The following NR2F6 variants were observed in gnomAD, a reference collection of about 807,000 sequenced individuals.
NR2F6 encodes nuclear receptor subfamily 2 group F member 6, also known as ERBA-related gene-2.
A neutral mutation model predicts 26.5 loss-of-function variants in NR2F6; 16 were observed. That is an observed-to-expected ratio of 0.60 (90% CI 0.41 to 0.92). NR2F6 has a LOEUF of 0.92. NR2F6 is among the 40% of genes least tolerant of loss of function. The pLI is 0.00. For missense variants in NR2F6, 536 were observed against 631.7 expected, an observed-to-expected ratio of 0.85 and a Z score of 1.62; for synonymous variants, 325 against 305.0, an observed-to-expected ratio of 1.07 and a Z score of -0.68.
At chr19:17,239,492 TAA>T (rs533131632) in intron 2 of NR2F6, among the ~76,000 whole-genome samples, 215 of 150,580 alleles carry the variant, frequency 1.4e-3, no homozygotes, top group Non-Finnish European at 1.7e-3. Flanking sequence ...CCGTCTCTAC[TAA>T]AAATACAAAA....
intron 3 of NR2F6, among the ~76,000 whole-genome samples, chr19:17,233,340 C>T (rs1390854428): frequency 1.4e-5 from 2 of 145,040 alleles, no homozygotes; most frequent in Non-Finnish European, 3.0e-5. Context: ...CAAAACAAAA[C>T]AAAACAAAAA....
Position 17,235,633 on chromosome 19 carries a change from G to A in NR2F6, c.806C>T (p.Pro269Leu), listed in dbSNP as rs968503334. 3 of 1,540,486 alleles carry A rather than the reference G, an allele frequency of 1.9e-6. No homozygotes were observed. Among genetic ancestry groups the A allele is most frequent in the Non-Finnish European group, 2.6e-6 (3 of 1,151,672 alleles). The change falls in exon 3 of 4, where the codon CCT becomes CTT. Residue 269 changes from proline to leucine, a missense_variant. Coordinates refer to ENST00000291442, the MANE Select transcript of NR2F6 (RefSeq NM_005234.4). The surrounding 1 kb of genome is among the most constrained non-coding windows in gnomAD (Gnocchi z 5.0). ...LLAAAGLHAA[P>L]MAAERAVAFM... Reference sequence around the variant, plus strand: ...AGCCACGGCGCGCTCGGCGGCCATAGGCGCGGCGTGGAGGCCGGCGGCGGC... The same window carrying A: ...AGCCACGGCGCGCTCGGCGGCCATAAGCGCGGCGTGGAGGCCGGCGGCGGC...
intron 2 of NR2F6, among the ~76,000 whole-genome samples, chr19:17,238,488 G>A (rs923518184): frequency 2.0e-5 from 3 of 152,188 alleles, no homozygotes; most frequent in Non-Finnish European, 1.5e-5. Flanking sequence ...GGAAGAGCCC[G>A]TGCAAAGGAC....
Position 17,235,430 on chromosome 19 carries a change from C to T in NR2F6, c.940+69G>A, listed in dbSNP as rs188565087. 2.2e-3 allele frequency: 3,387 copies of T among 1,522,334 alleles called. 23 individuals carry two copies. The highest frequency in any genetic ancestry group is 4.0e-3 in the Middle Eastern group (18 of 4,464). 94.3% of individuals were successfully genotyped at this position (1,522,334 alleles called of 1,614,324 possible). A position where few individuals can be genotyped will look rare whatever the true frequency, so the allele number is the denominator to read the frequency against. On this transcript the variant is annotated intron_variant, in intron 3 of 3. Transcript: ENST00000291442. The surrounding 1 kb of genome is among the most constrained non-coding windows in gnomAD (Gnocchi z 5.0). Reference sequence around the variant, plus strand: ...GCGCTATGGGGGCCGGAGTCTGGGTCCAGGCCGCCCTCCTCCTAACCTCCC... The same window carrying T: ...GCGCTATGGGGGCCGGAGTCTGGGTTCAGGCCGCCCTCCTCCTAACCTCCC...
At chr19:17,236,919 G>T (rs2073441989) in intron 2 of NR2F6, among the ~76,000 whole-genome samples, 1 of 152,268 alleles carries the variant, frequency 6.6e-6, no homozygotes, top group Non-Finnish European at 1.5e-5. Context: ...TGAGAAAAGG[G>T]AAACTGAGGC....
intron 2 of NR2F6, among the ~76,000 whole-genome samples, chr19:17,238,960 G>T (rs1196616939): frequency 6.6e-6 from 1 of 152,160 alleles, no homozygotes; most frequent in East Asian, 1.9e-4. Flanking sequence ...GAGCACTTTG[G>T]GAGGCTGAGG....
At chr19:17,237,707 G>C (rs1252184641) in intron 2 of NR2F6, among the ~76,000 whole-genome samples, 1 of 152,142 alleles carries the variant, frequency 6.6e-6, no homozygotes, top group Non-Finnish European at 1.5e-5. Context: ...CCCACGCCTG[G>C]CCGGCCTTTG....
Position 17,245,465 on chromosome 19 carries a change from G to T in NR2F6, c.-245C>A. 1 of 221,310 alleles carries T rather than the reference G, an allele frequency of 4.5e-6. No individual in the cohort carries two copies. Among genetic ancestry groups the T allele is most frequent in the Non-Finnish European group, 8.6e-6 (1 of 116,570 alleles). 13.7% of individuals were successfully genotyped at this position (221,310 alleles called of 1,614,324 possible). ...GGGGCCGGGCCCGGGGCCGGGAGGG[G>T]CACGCTAGAGGCGCGGGCCGGGGGC... is the stretch of plus-strand genomic sequence containing the variant. On this transcript the variant is annotated 5_prime_UTR_variant, in exon 1 of 4. Coordinates refer to ENST00000291442, the MANE Select transcript of NR2F6 (RefSeq NM_005234.4). The surrounding 1 kb of genome is among the most constrained non-coding windows in gnomAD (Gnocchi z 5.0).
chr19:17,240,830 G>T, intron 1 of NR2F6, 65 bp from the exon 2 acceptor site: 2 of 1,531,614 alleles, frequency 1.3e-6, no homozygotes, highest in South Asian at 1.2e-5. Context: ...ACCAGCCTAT[G>T]AGCCGCCTTT....
At chr19:17,236,610 C>T (rs1599454313) in intron 2 of NR2F6, among the ~76,000 whole-genome samples, 1 of 152,258 alleles carries the variant, frequency 6.6e-6, no homozygotes, top group East Asian at 1.9e-4. Flanking sequence ...GGGACCCTGG[C>T]CAGCTTGGTC....
rs186953364 is a variant in NR2F6, at chr19:17,233,978, A to T, written c.941-1352T>A. ...GGTGGCTCACGCCTGTAATCCCAGC[A>T]CTTTGGGAGGCTGAGGCGGGCAGAT... is the stretch of plus-strand genomic sequence containing the variant. On this transcript the variant is annotated intron_variant, in intron 3 of 3. Coordinates refer to ENST00000291442, the MANE Select transcript of NR2F6 (RefSeq NM_005234.4). Among the ~76,000 whole-genome samples, 953 of 152,108 alleles carry T rather than the reference A, an allele frequency of 6.3e-3. 6 individuals carry two copies. Among genetic ancestry groups the T allele is most frequent in the Non-Finnish European group, 9.7e-3 (657 of 67,968 alleles).
At chr19:17,241,185 A>G (rs1457910448) in intron 1 of NR2F6, among the ~76,000 whole-genome samples, 1 of 152,178 alleles carries the variant, frequency 6.6e-6, no homozygotes, top group Non-Finnish European at 1.5e-5. Context: ...CCCCAAAAAG[A>G]TGTGAAGGCA....
chr19:17,243,618 C>G (rs1024372261), intron 1 of NR2F6, among the ~76,000 whole-genome samples: 6 of 152,328 alleles, frequency 3.9e-5, no homozygotes, highest in South Asian at 2.1e-4. Context: ...TCTAGTGGCC[C>G]ACTTTGTGCT....
chr19:17,234,995 C>T (rs1022952359), intron 3 of NR2F6, among the ~76,000 whole-genome samples: 5 of 152,240 alleles, frequency 3.3e-5, no homozygotes, highest in South Asian at 2.1e-4. Flanking sequence ...CGCCCCTCAA[C>T]GGGAGGGGCC....
chr19:17,245,260 C>A lies in NR2F6; in HGVS notation c.-40G>T. The A allele has an allele frequency of 8.2e-7, 1 of 1,222,742 alleles. No individual in the cohort carries two copies. The highest frequency in any genetic ancestry group is 3.4e-5 in the South Asian group (1 of 29,442). 75.7% of individuals were successfully genotyped at this position (1,222,742 alleles called of 1,614,324 possible). The stretch of plus-strand genomic sequence containing the variant: ...GGGGCCGGGGCGCCCCCACCGCGCT[C>A]TTCCCTCCGGGCACCCCTCTCGGCC... On this transcript the variant is annotated 5_prime_UTR_variant, in exon 1 of 4. Coordinates refer to ENST00000291442, the MANE Select transcript of NR2F6 (RefSeq NM_005234.4). This position sits in a 1 kb window ranked among gnomAD's most constrained non-coding sequence, Gnocchi z 5.0.
chr19:17,244,942 C>T lies in NR2F6; in HGVS notation c.278+1G>A. 1 of 1,560,768 alleles carries T rather than the reference C, an allele frequency of 6.4e-7. No individual in the cohort carries two copies. The highest frequency in any genetic ancestry group is 8.7e-7 in the Non-Finnish European group (1 of 1,153,128). On this transcript the variant is annotated splice_donor_variant, in intron 1 of 3. Transcript: ENST00000291442. LOFTEE classifies it high-confidence loss of function. ...CGGCGGCGCGCGGATGGGGGGCTCA[C>T]CGGCAGGTGTAGCTGAGGTTGCGGC... is the stretch of plus-strand genomic sequence containing the variant.
At chr19:17,244,556 G>A in intron 1 of NR2F6, 1 of 208,634 alleles carries the variant, frequency 4.8e-6, no homozygotes, top group Non-Finnish European at 9.6e-6. Context: ...TTCCACGTTC[G>A]ATTCCCTCGA....
Position 17,245,031 on chromosome 19 carries a change from T to C in NR2F6, c.190A>G (p.Ser64Gly). The C allele has an allele frequency of 6.2e-7, 1 of 1,602,670 alleles. No homozygotes were observed. The highest frequency in any genetic ancestry group is 8.5e-7 in the Non-Finnish European group (1 of 1,175,326). The change falls in exon 1 of 4, where the codon AGC becomes GGC. Residue 64 changes from serine (S) to glycine (G), a missense_variant. Physicochemically the swap from Ser to Gly is moderately conservative, Grantham distance 56. Transcript: ENST00000291442. This position sits in a 1 kb window ranked among gnomAD's most constrained non-coding sequence, Gnocchi z 5.0. ...VDCVVCGDKS[S>G]GKHYGVFTCE... is the part of the protein sequence containing the mutation. ...GTGAAGACACCGTAATGCTTGCCGC[T>C]CGACTTGTCCCCGCACACCACGCAG...
At chr19:17,234,239 A>T (rs1411274794) in intron 3 of NR2F6, among the ~76,000 whole-genome samples, 2 of 151,760 alleles carry the variant, frequency 1.3e-5, no homozygotes, top group African/African-American at 4.8e-5. Context: ...AAAAAAAAAA[A>T]ATCTTCTGGG....
Sources: allele counts gnomAD v4.1 joint callset (sites outside exome capture counted in the v4.1 genomes callset), GRCh38; gene constraint gnomAD v4.1.1; non-coding constraint Gnocchi (gnomAD v3.1); transcripts MANE v1.5; gene names NCBI Gene and HGNC (gene_info 2026-07-23, HGNC 2026-07-21).